Variants in CCDC88A observed in about 807,000 individuals in gnomAD.
The protein encoded by CCDC88A is coiled-coil and HOOK domain protein 88A, also known as girdin.
CCDC88A carries 54 observed loss-of-function variants against 234.3 expected under a neutral mutation model. The observed-to-expected ratio is 0.23, with a 90% CI of 0.19 to 0.29. CCDC88A has a LOEUF of 0.29. Among genes scored for constraint, CCDC88A ranks in the 10% least tolerant of loss-of-function variants. The pLI is 1.00. For missense variants in CCDC88A, 1,832 were observed against 2,123.4 expected (o/e 0.86, Z 2.70); for synonymous variants, 753 against 737.8 (o/e 1.02, Z -0.33).
intron 23 of CCDC88A, 40 bp downstream of exon 23, chr2:55,312,394 G>A (rs770231339): frequency 7.6e-6 from 12 of 1,573,356 alleles, no homozygotes; most frequent in Middle Eastern, 1.7e-4. Flanking sequence ...ATAAAATCAT[G>A]AGTAACATAT....
chr2:55,300,771 A>T (rs1360841141), intron 28 of CCDC88A: 1 of 154,826 alleles, frequency 6.5e-6, no homozygotes, highest in East Asian at 1.9e-4. Flanking sequence ...GTGGCCTCCC[A>T]AAGTGCTAGG....
chr2:55,299,985 A>G, intron 28 of CCDC88A, 66 bp from the exon 29 acceptor site: 2 of 1,070,940 alleles, frequency 1.9e-6, no homozygotes, highest in Non-Finnish European at 2.9e-6. Flanking sequence ...GAGCTTTTAC[A>G]TTCTGATTAC....
At chr2:55,296,198 A>C in intron 30 of CCDC88A, 60 bp downstream of exon 30, 3 of 1,502,688 alleles carry the variant, frequency 2.0e-6, no homozygotes, top group South Asian at 1.3e-5. Context: ...CTGAAGTTCA[A>C]TTACAGAAAT....
rs377247476 is a variant in CCDC88A, at chr2:55,296,497, G to T, written c.4852C>A (p.Pro1618Thr). ...KAGAVNNQSR[P>T]QSHSSGEFSL... is the part of the protein sequence containing the mutation. ...AATTCTCCACTGCTGTGGCTTTGTG[G>T]CCTGCTTTGGTTATTAACTGCACCT... The change falls in exon 30 of 33, where the codon CCA (proline) becomes ACA (threonine). Residue 1618 changes from proline to threonine, a missense_variant. Physicochemically the swap from Pro to Thr is conservative, Grantham distance 38 (BLOSUM62 -1). Coordinates refer to ENST00000436346, the MANE Select transcript of CCDC88A (RefSeq NM_001365480.1). 1 of 1,614,158 alleles carries T rather than the reference G, an allele frequency of 6.2e-7. No homozygotes were observed. Among genetic ancestry groups the T allele is most frequent in the Non-Finnish European group, 8.5e-7 (1 of 1,180,016 alleles).
intron 23 of CCDC88A, among the ~76,000 whole-genome samples, chr2:55,310,136 T>G (rs899306789): frequency 6.6e-6 from 1 of 152,206 alleles, no homozygotes; most frequent in African/African-American, 2.4e-5. Flanking sequence ...TTAGCTTGAA[T>G]GTTATAGGCT....
At position 55,290,907 on chromosome 2, in the gene CCDC88A, G is replaced by A. The variant is rs1265656246; in HGVS notation, c.*293C>T. On this transcript the variant is annotated 3_prime_UTR_variant, in exon 33 of 33. Coordinates refer to ENST00000436346, the MANE Select transcript of CCDC88A (RefSeq NM_001365480.1). ...CCTTAAAACACCTGGTCCTTAGTGA[G>A]AGAACGTCCTTTATTCAGTAGATCT... 1 of 152,520 alleles carries A rather than the reference G, an allele frequency of 6.6e-6. No individual in the cohort carries two copies. The highest frequency in any genetic ancestry group is 1.5e-5 in the Non-Finnish European group (1 of 67,952). The allele number at this position is 152,520 out of a possible 1,614,324, so 9.4% of individuals were successfully genotyped here. A position where few individuals can be genotyped will look rare whatever the true frequency, so the allele number is the denominator to read the frequency against.
intron 17 of CCDC88A, chr2:55,322,930 G>A (rs541501023): frequency 1.0e-4 from 32 of 308,596 alleles, no homozygotes; most frequent in Admixed American, 2.0e-4. Context: ...ATCGTTTGTC[G>A]TGCAAATGCC....
intron 2 of CCDC88A, among the ~76,000 whole-genome samples, chr2:55,415,594 C>A (rs1235879586): frequency 6.6e-6 from 1 of 152,108 alleles, no homozygotes; most frequent in Non-Finnish European, 1.5e-5. Context: ...AGAACTGAGT[C>A]TGGAGACAGC....
chr2:55,321,424 G>T (rs939932121), intron 18 of CCDC88A, among the ~76,000 whole-genome samples: 1 of 151,656 alleles, frequency 6.6e-6, no homozygotes, highest in Non-Finnish European at 1.5e-5. Flanking sequence ...GGTGGCAGGC[G>T]CCTGTAGTCC....
At position 55,388,608 on chromosome 2, in the gene CCDC88A, C is replaced by G. The variant is rs1280776398; in HGVS notation, c.273+170G>C. ...GAAAATTATTAAATGCTTGCTTAAG[C>G]CTTTAACATTCATAAAAAATAAACT... On this transcript the variant is annotated intron_variant, in intron 3 of 32. Transcript: ENST00000436346. 6 of 387,634 alleles carry G rather than the reference C, an allele frequency of 1.5e-5. No individual in the cohort carries two copies. The Admixed American group carries it at 1.9e-4, about 12-fold the overall frequency. The allele number at this position is 387,634 out of a possible 1,614,324, so 24.0% of individuals were successfully genotyped here. A position where few individuals can be genotyped will look rare whatever the true frequency, so the allele number is the denominator to read the frequency against.
intron 4 of CCDC88A, 118 bp downstream of exon 4, chr2:55,374,696 C>T (rs1002683766): frequency 1.3e-5 from 7 of 534,636 alleles, no homozygotes; most frequent in African/African-American, 3.7e-5. Flanking sequence ...TCACCTCCAA[C>T]GTCTACAGTT....
At chr2:55,410,368 T>C (rs778809075) in intron 2 of CCDC88A, among the ~76,000 whole-genome samples, 2 of 152,202 alleles carry the variant, frequency 1.3e-5, no homozygotes, top group Non-Finnish European at 2.9e-5. Context: ...GAATTCTAAA[T>C]TCCACAGATT....
At position 55,347,915 on chromosome 2, in the gene CCDC88A, T is replaced by A. The variant is rs534931646; in HGVS notation, c.883-1582A>T. ...GTATAAGCCACCATGCCCAACCTAG[T>A]TATTTATTTTAGAGATGGAGTCTAA... is the stretch of plus-strand genomic sequence containing the variant. On this transcript the variant is annotated intron_variant, in intron 9 of 32. Transcript: ENST00000436346. Among the ~76,000 whole-genome samples the A allele has an allele frequency of 5.3e-5, 8 of 151,802 alleles. No individual in the cohort carries two copies. The East Asian group carries it at 1.6e-3, about 30-fold the overall frequency.
At chr2:55,312,326 T>A (rs943186176) in intron 23 of CCDC88A, 108 bp downstream of exon 23, 2 of 946,932 alleles carry the variant, frequency 2.1e-6, no homozygotes, top group African/African-American at 3.3e-5. Flanking sequence ...CTCAAAAATA[T>A]TTGTTGAAAA....
At position 55,335,872 on chromosome 2, in the gene CCDC88A, A is replaced by T. The variant is rs564278531; in HGVS notation, c.1657-708T>A. Among the ~76,000 whole-genome samples, 1 of 152,032 alleles carries T rather than the reference A, an allele frequency of 6.6e-6. No homozygotes were observed. The highest frequency in any genetic ancestry group is 1.5e-5 in the Non-Finnish European group (1 of 68,014). On this transcript the variant is annotated intron_variant, in intron 14 of 32. Transcript: ENST00000436346. The surrounding 1 kb of genome is among the most constrained non-coding windows in gnomAD (Gnocchi z 4.5). The stretch of plus-strand genomic sequence containing the variant: ...TGGCTGGTCTGAGGACTGTACCTGG[A>T]TGATATAAACAAATAATTTAACTTC...
intron 5 of CCDC88A, among the ~76,000 whole-genome samples, chr2:55,367,201 G>T (rs370900191): frequency 6.6e-6 from 1 of 152,068 alleles, no homozygotes; most frequent in Non-Finnish European, 1.5e-5. Flanking sequence ...TAGAACAATC[G>T]AATTCATAGA....
At position 55,296,008 on chromosome 2, in the gene CCDC88A, A is replaced by G; in HGVS notation, c.5140T>C (p.Leu1714=). ...CCCAAAAAGTCAGAAGAGACAGACA[A>G]ACTTTTCATTACTTCATCTAAAAGA... The part of the protein sequence containing the change: ...ENLLDEVMKS[L]SVSSDFLGKD... Residue 1714 remains leucine (L), a synonymous_variant, in exon 31 of 33, where the codon TTG becomes CTG. Transcript: ENST00000436346. 4.4e-6 allele frequency: 7 copies of G among 1,608,878 alleles called. No homozygotes were observed. Among genetic ancestry groups the G allele is most frequent in the Middle Eastern group, 1.7e-4 (1 of 6,026 alleles).
At chr2:55,308,477 C>T (rs776911181) in intron 25 of CCDC88A, 36 of 197,142 alleles carry the variant, frequency 1.8e-4, no homozygotes, top group Non-Finnish European at 3.1e-4. Context: ...TTCTAACTTG[C>T]TCCTTGTAAC....
chr2:55,303,484 C>A (rs1004518830), intron 25 of CCDC88A, among the ~76,000 whole-genome samples: 1 of 151,096 alleles, frequency 6.6e-6, no homozygotes, highest in Non-Finnish European at 1.5e-5. Context: ...CCTCCGCCTG[C>A]GATTCTCCTG....
Sources: gnomAD v4.1 joint callset for allele counts (sites outside exome capture counted in the v4.1 genomes callset) on GRCh38, gnomAD v4.1.1 for gene constraint, Gnocchi (gnomAD v3.1) non-coding constraint, MANE v1.5 for transcripts, NCBI Gene and HGNC (gene_info 2026-07-23, HGNC 2026-07-21) for gene names.